The following BTRC variants were observed in gnomAD, a reference collection of about 807,000 sequenced individuals.
BTRC encodes beta-transducin repeat containing E3 ubiquitin protein ligase.
In BTRC, 42 loss-of-function variants were observed where a neutral mutation model predicts 85.5. The ratio of observed to expected loss-of-function variants is 0.49; its 90% CI spans 0.38 to 0.64. The LOEUF is 0.64. Among genes scored for constraint, BTRC ranks in the 30% least tolerant of loss-of-function variants. The pLI is 0.00. For missense variants in BTRC, 594 were observed against 743.5 expected, an observed-to-expected ratio of 0.80 and a Z score of 2.34; for synonymous variants, 255 against 263.3, an observed-to-expected ratio of 0.97 and a Z score of 0.30.
intron 4 of BTRC, among the ~76,000 whole-genome samples, chr10:101,493,521 C>T (rs940337588): frequency 1.3e-5 from 2 of 152,186 alleles, no homozygotes; most frequent in African/African-American, 4.8e-5. Context: ...AATTTTAATA[C>T]ATAGAAATTA....
intron 4 of BTRC, among the ~76,000 whole-genome samples, chr10:101,510,664 CAAG>C (rs746423400): frequency 4.6e-5 from 7 of 152,076 alleles, no homozygotes; most frequent in Non-Finnish European, 1.0e-4. Context: ...GCCGCAGGAG[CAAG>C]AACACTGTTG....
chr10:101,405,734 A>C (rs1943603875), intron 1 of BTRC, among the ~76,000 whole-genome samples: 1 of 152,184 alleles, frequency 6.6e-6, no homozygotes, highest in Non-Finnish European at 1.5e-5. Flanking sequence ...GATGGAGTGC[A>C]CTTACTCCAT....
chr10:101,423,921 CT>C (rs1203218700), intron 1 of BTRC, among the ~76,000 whole-genome samples: 1 of 152,136 alleles, frequency 6.6e-6, no homozygotes, highest in Non-Finnish European at 1.5e-5. Context: ...TTCTTTTGCA[CT>C]TTGCAGCTTT....
chr10:101,369,633 A>G lies in BTRC; in HGVS notation c.48+15405A>G, dbSNP rs571214379. 3.4e-4 allele frequency among the ~76,000 whole-genome samples: 52 copies of G among 152,296 alleles called. No homozygotes were observed. In the Middle Eastern group the frequency reaches 0.014, roughly 40 times the overall value. ...CCAGATCTGGGTGTTAAGCGTGCTC[A>G]TTGCTATTGGGGTGTCACTGCTCAC... On this transcript the variant is annotated intron_variant, in intron 1 of 14. Transcript: ENST00000370187.
chr10:101,404,625 T>C (rs1943574994), intron 1 of BTRC, among the ~76,000 whole-genome samples: 1 of 152,182 alleles, frequency 6.6e-6, no homozygotes, highest in Non-Finnish European at 1.5e-5. Flanking sequence ...TGCAGTTCTA[T>C]TGAGATATAT....
intron 2 of BTRC, among the ~76,000 whole-genome samples, chr10:101,447,033 G>A (rs1944845830): frequency 6.6e-6 from 1 of 152,232 alleles, no homozygotes; most frequent in African/African-American, 2.4e-5. Context: ...ATAGAAGCAT[G>A]CAGCTAGTGT....
At position 101,435,869 on chromosome 10, in the gene BTRC, C is replaced by CT. The variant is rs956904855; in HGVS notation, c.156+5428dup. Among the ~76,000 whole-genome samples, 479 of 146,236 alleles carry CT rather than the reference C, an allele frequency of 3.3e-3. 4 individuals are homozygous for CT. The highest frequency in any genetic ancestry group is 8.7e-3 in the African/African-American group (347 of 40,076). ...CTCATTTAATGTAATGGCTTCATGA[C>CT]TTTTTTTTTTTGATCATTGGATTCT... On this transcript the variant is annotated intron_variant, in intron 2 of 14. Coordinates refer to ENST00000370187, the MANE Select transcript of BTRC (RefSeq NM_033637.4).
intron 2 of BTRC, among the ~76,000 whole-genome samples, chr10:101,435,604 T>C (rs1589463339): frequency 6.6e-6 from 1 of 152,350 alleles, no homozygotes; most frequent in South Asian, 2.1e-4. Flanking sequence ...TATTGATAGG[T>C]ATTTGGATTG....
At chr10:101,464,132 A>G (rs921862834) in intron 3 of BTRC, among the ~76,000 whole-genome samples, 2 of 152,210 alleles carry the variant, frequency 1.3e-5, no homozygotes, top group Non-Finnish European at 2.9e-5. Context: ...TCGGAAAACA[A>G]TGACACAACA....
intron 13 of BTRC, among the ~76,000 whole-genome samples, chr10:101,546,167 A>G (rs1305712464): frequency 6.6e-6 from 1 of 152,246 alleles, no homozygotes; most frequent in Admixed American, 6.5e-5. Flanking sequence ...CAGCAGCAGA[A>G]TACACATTCT....
chr10:101,421,552 G>C (rs1187236277), intron 1 of BTRC, among the ~76,000 whole-genome samples: 1 of 151,146 alleles, frequency 6.6e-6, no homozygotes, highest in Non-Finnish European at 1.5e-5. Context: ...GTGCCATGTT[G>C]GTGTGCTGCA....
chr10:101,464,124 G>A (rs1000275953), intron 3 of BTRC, among the ~76,000 whole-genome samples: 13 of 152,038 alleles, frequency 8.6e-5, no homozygotes, highest in Admixed American at 5.3e-4. Context: ...AACAACTGTC[G>A]GAAAACAATG....
chr10:101,512,358 T>C (rs2061968109), intron 4 of BTRC, among the ~76,000 whole-genome samples: 1 of 152,218 alleles, frequency 6.6e-6, no homozygotes, highest in African/African-American at 2.4e-5. Context: ...TAGATATCTT[T>C]TATCATTTGC....
chr10:101,505,463 C>CA (rs1421529223), intron 4 of BTRC, among the ~76,000 whole-genome samples: 1 of 150,342 alleles, frequency 6.7e-6, no homozygotes, highest in Non-Finnish European at 1.5e-5. Flanking sequence ...ACTAAAAATT[C>CA]AAAAAAATTA....
chr10:101,453,525 A>C (rs572926723), intron 2 of BTRC: 1 of 152,286 alleles, frequency 6.6e-6, no homozygotes, highest in East Asian at 1.9e-4. Context: ...GCACCATCCA[A>C]CCTTGAGCAA....
At chr10:101,508,091 C>T (rs1212996283) in intron 4 of BTRC, among the ~76,000 whole-genome samples, 1 of 152,178 alleles carries the variant, frequency 6.6e-6, no homozygotes, top group Non-Finnish European at 1.5e-5. Context: ...AATGACTATC[C>T]TGTCCCTTTA....
intron 4 of BTRC, among the ~76,000 whole-genome samples, chr10:101,513,569 T>G (rs1274085379): frequency 6.6e-6 from 1 of 152,212 alleles, no homozygotes; most frequent in Non-Finnish European, 1.5e-5. Flanking sequence ...TGATTCAGCA[T>G]GTTTTTGAGG....
rs34282047 is a variant in BTRC at position 101,522,352 on chromosome 10, TAAAA to T, written c.556+493_556+496del. On this transcript the variant is annotated intron_variant, in intron 5 of 14. Coordinates refer to ENST00000370187, the MANE Select transcript of BTRC (RefSeq NM_033637.4). ...ACCACGCCCAGCTGGTATAAAGCTTTAAAAAAAAAAAAAACAAAAAAAAACAAAA... is the reference window on the plus strand; with the variant it reads ...ACCACGCCCAGCTGGTATAAAGCTTTAAAAAAAAAACAAAAAAAAACAAAA... Among the ~76,000 whole-genome samples, 329 of 42,090 alleles carry T rather than the reference TAAAA, an allele frequency of 7.8e-3. 8 individuals carry two copies. The highest frequency in any genetic ancestry group is 0.021 in the African/African-American group (310 of 14,690). The allele number at this position is 42,090 out of a possible 152,430, so 27.6% of individuals were successfully genotyped here.
At chr10:101,390,400 C>T (rs1943206502) in intron 1 of BTRC, among the ~76,000 whole-genome samples, 1 of 146,648 alleles carries the variant, frequency 6.8e-6, no homozygotes, top group Non-Finnish European at 1.5e-5. Context: ...TGCAGTGGTG[C>T]AATCTCTGCT....
Sources: gnomAD v4.1 joint callset for allele counts (sites outside exome capture counted in the v4.1 genomes callset) on GRCh38, gnomAD v4.1.1 for gene constraint, MANE v1.5 for transcripts, NCBI Gene and HGNC (gene_info 2026-07-23, HGNC 2026-07-21) for gene names.